Variants in RAPGEF2 observed in about 807,000 individuals in gnomAD.
RAPGEF2 encodes PDZ domain containing guanine nucleotide exchange factor (GEF) 1.
RAPGEF2 carries 54 observed loss-of-function variants against 186.7 expected under a neutral mutation model. That is an observed-to-expected ratio of 0.29 (90% CI 0.23 to 0.36). The LOEUF (loss-of-function observed/expected upper bound fraction) is 0.36, where lower values mean the gene tolerates loss of function less well. Among genes scored for constraint, RAPGEF2 ranks in the 10% least tolerant of loss-of-function variants. The pLI, the probability that RAPGEF2 is intolerant of heterozygous loss-of-function variation, is 1.00. For missense variants in RAPGEF2, 1,532 were observed against 2,045.0 expected (o/e 0.75, Z 4.84); for synonymous variants, 712 against 705.9 (o/e 1.01, Z -0.14).
chr4:159,236,473 T>G (rs548505655), intron 4 of RAPGEF2, among the ~76,000 whole-genome samples: 1 of 152,336 alleles, frequency 6.6e-6, no homozygotes, highest in African/African-American at 2.4e-5. Flanking sequence ...TATAGTTTAT[T>G]TATGTGAACA....
chr4:159,228,134 A>G (rs1475550484), intron 4 of RAPGEF2: 1 of 152,274 alleles, frequency 6.6e-6, no homozygotes, highest in Non-Finnish European at 1.5e-5. Flanking sequence ...ACAACATGCG[A>G]AACACATAGC....
At chr4:159,192,265 A>G (rs1748201893) in intron 2 of RAPGEF2, among the ~76,000 whole-genome samples, 1 of 152,200 alleles carries the variant, frequency 6.6e-6, no homozygotes. Flanking sequence ...GATTGAGGTT[A>G]AGGACCTCTA....
chr4:159,352,981 C>A (rs1254735427), intron 27 of RAPGEF2, 71 bp downstream of exon 27: 1 of 1,330,996 alleles, frequency 7.5e-7, no homozygotes, highest in Non-Finnish European at 1.0e-6. Flanking sequence ...GTCTTTTCTT[C>A]CAGTGTTTGT....
At chr4:159,264,717 G>A (rs1348212958) in intron 7 of RAPGEF2, among the ~76,000 whole-genome samples, 2 of 152,066 alleles carry the variant, frequency 1.3e-5, no homozygotes, top group East Asian at 1.9e-4. Flanking sequence ...ATCTTCCCAA[G>A]TTAAAACTCT....
At chr4:159,238,663 A>G (rs1753590754) in intron 4 of RAPGEF2, 146 bp from the exon 5 acceptor site, 1 of 490,548 alleles carries the variant, frequency 2.0e-6, no homozygotes. Context: ...TGTGTAAATT[A>G]TTAAAGATAA....
intron 3 of RAPGEF2, among the ~76,000 whole-genome samples, chr4:159,196,927 A>G (rs990739853): frequency 6.6e-6 from 1 of 152,252 alleles, no homozygotes; most frequent in African/African-American, 2.4e-5. Context: ...AGAGTTGCCC[A>G]TTTGGAATCA....
intron 1 of RAPGEF2, among the ~76,000 whole-genome samples, chr4:159,159,941 A>C (rs2111215392): frequency 6.6e-6 from 1 of 152,312 alleles, no homozygotes; most frequent in South Asian, 2.1e-4. Flanking sequence ...GGTATTATTG[A>C]TCTCCCTCCA....
intron 7 of RAPGEF2, among the ~76,000 whole-genome samples, chr4:159,291,545 C>G (rs150909899): frequency 6.7e-4 from 102 of 152,324 alleles, no homozygotes; most frequent in African/African-American, 2.4e-3. Context: ...ATCCTCCCAC[C>G]TCAACCTTCC....
At chr4:159,281,241 T>C (rs1759662535) in intron 7 of RAPGEF2, among the ~76,000 whole-genome samples, 1 of 152,046 alleles carries the variant, frequency 6.6e-6, no homozygotes, top group Non-Finnish European at 1.5e-5. Context: ...CTGCCCGCCT[T>C]GGCCTCCCAA....
chr4:159,260,298 A>C (rs918351622), intron 7 of RAPGEF2, among the ~76,000 whole-genome samples: 4 of 149,158 alleles, frequency 2.7e-5, no homozygotes, highest in African/African-American at 1.0e-4. Flanking sequence ...TTTTTTTTTT[A>C]AAGTAAGGGA....
At chr4:159,142,732 T>A (rs866273118) in intron 1 of RAPGEF2, among the ~76,000 whole-genome samples, 7 of 152,234 alleles carry the variant, frequency 4.6e-5, no homozygotes, top group Non-Finnish European at 5.9e-5. Flanking sequence ...AAAAATCTTC[T>A]CTCTTATAAA....
intron 7 of RAPGEF2, among the ~76,000 whole-genome samples, chr4:159,251,434 T>C (rs888054278): frequency 5.9e-5 from 9 of 152,350 alleles, no homozygotes; most frequent in Admixed American, 2.0e-4. Flanking sequence ...GCTGGAGGAT[T>C]GTATATGTAC....
chr4:159,141,592 A>G (rs551947948), intron 1 of RAPGEF2, among the ~76,000 whole-genome samples: 1 of 142,474 alleles, frequency 7.0e-6, no homozygotes, highest in Non-Finnish European at 1.6e-5. Context: ...GTATATATAT[A>G]TATTTATATA....
At chr4:159,340,091 C>T (rs1729182487) in intron 19 of RAPGEF2, among the ~76,000 whole-genome samples, 2 of 152,192 alleles carry the variant, frequency 1.3e-5, no homozygotes, top group Admixed American at 1.3e-4. Context: ...CTTTGGTTCT[C>T]ATAGTGGCTG....
At chr4:159,252,790 C>T (rs4690933) in intron 7 of RAPGEF2, among the ~76,000 whole-genome samples, 25,991 of 152,198 alleles carry the variant, frequency 0.17, 2,353 homozygotes, top group Admixed American at 0.22. Context: ...ACAGTTTCAT[C>T]TCTGGACTCC....
chr4:159,136,718 T>C (rs1311081379), intron 1 of RAPGEF2, among the ~76,000 whole-genome samples: 1 of 152,222 alleles, frequency 6.6e-6, no homozygotes, highest in African/African-American at 2.4e-5. Flanking sequence ...TATAATTATA[T>C]ATTTTACTCT....
At chr4:159,254,736 G>A (rs115261679) in intron 7 of RAPGEF2, among the ~76,000 whole-genome samples, 2,460 of 151,724 alleles carry the variant, frequency 0.016, 18 homozygotes, top group Middle Eastern at 0.068. Context: ...AGCGTCCCAA[G>A]TAGCTGGAAC....
Position 159,302,920 on chromosome 4 carries a change from G to A in RAPGEF2, c.544-1422G>A, listed in dbSNP as rs905393044. Among the ~76,000 whole-genome samples, 17 of 151,802 alleles carry A rather than the reference G, an allele frequency of 1.1e-4. No homozygotes were observed. The South Asian group carries it at 1.2e-3, about 11-fold the overall frequency. On this transcript the variant is annotated intron_variant, in intron 7 of 29. Coordinates refer to ENST00000691494, the MANE Select transcript of RAPGEF2 (RefSeq NM_001394067.2). The stretch of plus-strand genomic sequence containing the variant: ...AACACTGTTGGTAAGATAGGTTTGC[G>A]ATTATTTCACTTCTCCAAGCTCCCT...
rs769632621 is a variant in RAPGEF2 at position 159,104,254 on chromosome 4, C to T, written c.69+23C>T. ...CAGGTGAGAACGCGGCGGCCGCCTG[C>T]CCTTGGCCGGATTTCTGCCTCGCAG... On this transcript the variant is annotated intron_variant, in intron 1 of 29. Coordinates refer to ENST00000691494, the MANE Select transcript of RAPGEF2 (RefSeq NM_001394067.2). 1.9e-5 allele frequency: 22 copies of T among 1,156,006 alleles called. No individual in the cohort carries two copies. In the Admixed American group the frequency reaches 6.5e-4, roughly 34 times the overall value. The allele number at this position is 1,156,006 out of a possible 1,614,324, so 71.6% of individuals were successfully genotyped here.
Sources: allele counts gnomAD v4.1 joint callset (sites outside exome capture counted in the v4.1 genomes callset), GRCh38; gene constraint gnomAD v4.1.1; transcripts MANE v1.5; gene names NCBI Gene and HGNC (gene_info 2026-07-23, HGNC 2026-07-21).